Variants in ABCG4 observed in about 807,000 individuals in gnomAD.
ABCG4 encodes the protein ATP binding cassette subfamily G member 4.
ABCG4 carries 35 observed loss-of-function variants against 64.6 expected under a neutral mutation model. The ratio of observed to expected loss-of-function variants is 0.54; its 90% CI spans 0.41 to 0.72. The LOEUF (loss-of-function observed/expected upper bound fraction) is 0.72, where lower values mean the gene tolerates loss of function less well. Ranked by LOEUF, ABCG4 falls within the 30% of genes least tolerant of loss-of-function variation. ABCG4 has a pLI of 0.00. For synonymous variants in ABCG4, 326 were observed against 348.2 expected, an observed-to-expected ratio of 0.94 and a Z score of 0.71; for missense variants, 610 against 846.3, an observed-to-expected ratio of 0.72 and a Z score of 3.46.
At position 119,154,574 on chromosome 11, in the gene ABCG4, T is replaced by C. The variant is rs545137934; in HGVS notation, c.539T>C (p.Leu180Pro). The C allele has an allele frequency of 6.4e-5, 103 of 1,613,112 alleles. 1 individual carries two copies. In the East Asian group the frequency reaches 2.1e-3, roughly 32 times the overall value. ...LSEKQEVKKE[L>P]VTEILTALGL... ...GAGAAGCAGGAGGTGAAGAAGGAGC[T>C]GGTGAGTGGGGAAGGGAGGCAGTGG... is the stretch of plus-strand genomic sequence containing the variant. The change falls in exon 5 of 15, where the codon CTG becomes CCG. Residue 180 changes from leucine (L) to proline (P), a missense_variant and splice_region_variant. Transcript: ENST00000619701. The surrounding 1 kb of genome is among the most constrained non-coding windows in gnomAD (Gnocchi z 7.0).
At position 119,161,999 on chromosome 11, in the gene ABCG4, CT is replaced by C. The variant is rs1333405608; in HGVS notation, c.*894del. The C allele has an allele frequency of 6.5e-6, 1 of 153,160 alleles. No individual in the cohort carries two copies. The highest frequency in any genetic ancestry group is 1.5e-5 in the Non-Finnish European group (1 of 68,400). 9.5% of individuals were successfully genotyped at this position (153,160 alleles called of 1,614,324 possible). On this transcript the variant is annotated 3_prime_UTR_variant, in exon 15 of 15. Transcript: ENST00000619701. ...TACATGAGAACAGGCCATCTCAGCC[CT>C]ACACACTTGCCATCCCCTACAGCAC...
Position 119,161,051 on chromosome 11 carries a change from C to A in ABCG4, c.1886C>A (p.Ala629Asp). 1 of 1,614,044 alleles carries A rather than the reference C, an allele frequency of 6.2e-7. No homozygotes were observed. Among genetic ancestry groups the A allele is most frequent in the East Asian group, 2.2e-5 (1 of 44,880 alleles). ...CTGGTCTTGGGCATCTTCTTCCTAG[C>A]CCTGCGGCTGCTGGCCTACCTTGTG... is the stretch of plus-strand genomic sequence containing the variant. ...DFLVLGIFFL[A>D]LRLLAYLVLR... Residue 629 changes from alanine to aspartate, a missense_variant, in exon 15 of 15, where the codon GCC (alanine) becomes GAC (aspartate). Transcript: ENST00000619701.
At position 119,160,329 on chromosome 11, in the gene ABCG4, G is replaced by A. The variant is rs1565817375; in HGVS notation, c.1540G>A (p.Ala514Thr). The change falls in exon 13 of 15, where the codon GCC becomes ACC. Residue 514 changes from alanine (A) to threonine (T), a missense_variant. Physicochemically the swap from Ala to Thr is moderately conservative, Grantham distance 58. Coordinates refer to ENST00000619701, the MANE Select transcript of ABCG4 (RefSeq NM_022169.5). The surrounding 1 kb of genome is among the most constrained non-coding windows in gnomAD (Gnocchi z 4.6). ...CTTCTCAGCCCTGGCCACCGCCACCGCCTTGGTGGCCCAATCTTTGGGGCT... is the reference window on the plus strand; with the variant it reads ...CTTCTCAGCCCTGGCCACCGCCACCACCTTGGTGGCCCAATCTTTGGGGCT... Reference protein sequence around the residue: ...LLFSALATATALVAQSLGLLI... With the variant: ...LLFSALATATTLVAQSLGLLI... 6 of 1,613,588 alleles carry A rather than the reference G, an allele frequency of 3.7e-6. No homozygotes were observed. Among genetic ancestry groups the A allele is most frequent in the African/African-American group, 1.3e-5 (1 of 75,036 alleles).
chr11:119,159,123 G>A (rs1948310952), intron 12 of ABCG4, among the ~76,000 whole-genome samples, 194 bp downstream of exon 12: 1 of 152,232 alleles, frequency 6.6e-6, no homozygotes, highest in African/African-American at 2.4e-5. Context: ...GAACTAGACT[G>A]ATGTAGTCTT....
Position 119,154,210 on chromosome 11 carries a change from A to G in ABCG4, c.357-50A>G. ...AGAAGTATCCCTTGGGGAACACAGA[A>G]GGTATTCTGAAAGGGCATTGACCCC... On this transcript the variant is annotated intron_variant, in intron 3 of 14. Coordinates refer to ENST00000619701, the MANE Select transcript of ABCG4 (RefSeq NM_022169.5). The surrounding 1 kb of genome is among the most constrained non-coding windows in gnomAD (Gnocchi z 7.0). 1 of 1,613,178 alleles carries G rather than the reference A, an allele frequency of 6.2e-7. No homozygotes were observed. The highest frequency in any genetic ancestry group is 8.5e-7 in the Non-Finnish European group (1 of 1,179,140).
rs185143659 is a variant in ABCG4, at chr11:119,149,320, G to A, written c.-56G>A. On this transcript the variant is annotated 5_prime_UTR_variant, in exon 1 of 15. Transcript: ENST00000619701. This position sits in a 1 kb window ranked among gnomAD's most constrained non-coding sequence, Gnocchi z 8.3. Reference sequence around the variant, plus strand: ...GGCTCTCCGTCCCCGGTCCGTGGCAGCGCTGAGCATCCCGGCCCCGCACCG... The same window carrying A: ...GGCTCTCCGTCCCCGGTCCGTGGCAACGCTGAGCATCCCGGCCCCGCACCG... The A allele has an allele frequency of 2.1e-3, 325 of 152,074 alleles. 1 individual carries two copies. The highest frequency in any genetic ancestry group is 3.6e-3 in the Non-Finnish European group (246 of 67,954). The allele number at this position is 152,074 out of a possible 1,614,324, so 9.4% of individuals were successfully genotyped here.
rs1267230867 is a variant in ABCG4, at chr11:119,158,912, G to A, written c.1420G>A (p.Ala474Thr). ...LKAYYLAKTM[A>T]DVPFQVVCPV... ...AGCGTATTACCTGGCCAAGACCATG[G>A]CTGACGTGCCCTTTCAGGTGGGCCT... Residue 474 changes from alanine to threonine, a missense_variant, in exon 12 of 15, where the codon GCT becomes ACT. Transcript: ENST00000619701. This position sits in a 1 kb window ranked among gnomAD's most constrained non-coding sequence, Gnocchi z 4.5. 3.7e-6 allele frequency: 6 copies of A among 1,614,074 alleles called. No individual in the cohort carries two copies. Among genetic ancestry groups the A allele is most frequent in the Non-Finnish European group, 4.2e-6 (5 of 1,180,038 alleles).
rs753258657 is a variant in ABCG4 at position 119,160,550 on chromosome 11, G to A, written c.1609G>A (p.Val537Met). ...CCTTCCCCTCTAGGTGGCCACTTTT[G>A]TGGGCCCAGTTACCGCCATCCCTGT... ...ASNSLQVATF[V>M]GPVTAIPVLL... The change falls in exon 14 of 15, where the codon GTG becomes ATG. Residue 537 changes from valine to methionine, a missense_variant. Val to Met is a conservative substitution (Grantham distance 21, BLOSUM62 1). Transcript: ENST00000619701. The surrounding 1 kb of genome is among the most constrained non-coding windows in gnomAD (Gnocchi z 4.6). 16 of 1,610,968 alleles carry A rather than the reference G, an allele frequency of 9.9e-6. No homozygotes were observed. The highest frequency in any genetic ancestry group is 1.4e-5 in the Non-Finnish European group (16 of 1,179,914).
intron 2 of ABCG4, among the ~76,000 whole-genome samples, chr11:119,152,435 G>A (rs1170467459): frequency 6.6e-6 from 1 of 152,222 alleles, no homozygotes; most frequent in Non-Finnish European, 1.5e-5. Flanking sequence ...GTCGTGGAGG[G>A]AGGGTTAAAT....
rs773264847 is a variant in ABCG4, at chr11:119,158,384, G to T, written c.1167+52G>T. 2.3e-5 allele frequency: 36 copies of T among 1,591,266 alleles called. No individual in the cohort carries two copies. The highest frequency in any genetic ancestry group is 3.0e-5 in the Non-Finnish European group (35 of 1,160,088). On this transcript the variant is annotated intron_variant, in intron 10 of 14. Coordinates refer to ENST00000619701, the MANE Select transcript of ABCG4 (RefSeq NM_022169.5). This position sits in a 1 kb window ranked among gnomAD's most constrained non-coding sequence, Gnocchi z 4.5. ...GGCTGGCACAGGCCTGACCTTTTGGGCTGTAGGATCCCAGCAGCTGAAATG... is the reference window on the plus strand; with the variant it reads ...GGCTGGCACAGGCCTGACCTTTTGGTCTGTAGGATCCCAGCAGCTGAAATG...
chr11:119,150,743 C>T lies in ABCG4; in HGVS notation c.238+540C>T, dbSNP rs1391497326. On this transcript the variant is annotated intron_variant, in intron 2 of 14. Transcript: ENST00000619701. The surrounding 1 kb of genome is among the most constrained non-coding windows in gnomAD (Gnocchi z 4.3). Reference sequence around the variant, plus strand: ...GTTGAGTAACTTGACCAATGTCACACAGCTAGTAAGTGGTAGAGCTGAGAC... The same window carrying T: ...GTTGAGTAACTTGACCAATGTCACATAGCTAGTAAGTGGTAGAGCTGAGAC... Among the ~76,000 whole-genome samples the T allele has an allele frequency of 6.6e-6, 1 of 152,206 alleles. No homozygotes were observed. Among genetic ancestry groups the T allele is most frequent in the African/African-American group, 2.4e-5 (1 of 41,436 alleles).
chr11:119,160,399 C>T lies in ABCG4; in HGVS notation c.1596+14C>T, dbSNP rs1325222769. The T allele has an allele frequency of 6.2e-7, 1 of 1,603,856 alleles. No homozygotes were observed. Among genetic ancestry groups the T allele is most frequent in the Non-Finnish European group, 8.5e-7 (1 of 1,172,034 alleles). Reference sequence around the variant, plus strand: ...AACTCCCTACAGGTGGGAGGGCTGGCAGTTGGGAATTCCCAAGGCGGGATG... The same window carrying T: ...AACTCCCTACAGGTGGGAGGGCTGGTAGTTGGGAATTCCCAAGGCGGGATG... On this transcript the variant is annotated intron_variant, in intron 13 of 14. Coordinates refer to ENST00000619701, the MANE Select transcript of ABCG4 (RefSeq NM_022169.5). This position sits in a 1 kb window ranked among gnomAD's most constrained non-coding sequence, Gnocchi z 4.6.
chr11:119,149,757 A>C lies in ABCG4; in HGVS notation c.-12-197A>C. ...GGCTTCAAGGGGACGGGCTGGGGTC[A>C]GGCTGGAGCTGGGCTGCCCGGGACT... On this transcript the variant is annotated intron_variant, in intron 1 of 14. Coordinates refer to ENST00000619701, the MANE Select transcript of ABCG4 (RefSeq NM_022169.5). This position sits in a 1 kb window ranked among gnomAD's most constrained non-coding sequence, Gnocchi z 8.3. 1 of 811,654 alleles carries C rather than the reference A, an allele frequency of 1.2e-6. No homozygotes were observed. Among genetic ancestry groups the C allele is most frequent in the East Asian group, 2.7e-5 (1 of 36,764 alleles). 50.3% of individuals were successfully genotyped at this position (811,654 alleles called of 1,614,324 possible).
intron 2 of ABCG4, among the ~76,000 whole-genome samples, chr11:119,151,700 C>T (rs1052941469): frequency 2.0e-5 from 3 of 152,196 alleles, no homozygotes; most frequent in Non-Finnish European, 4.4e-5. Flanking sequence ...TACTATCCTT[C>T]CCTTATAGAT....
In ABCG4 at chr11:119,149,180, C is replaced by T. The variant is rs1222516962; in HGVS notation, c.-196C>T. ...ACCATCCTTGCCGTCTCCTCCGAGCCGAGGGCCGGCCCTCCTGCCTCGCCT... is the reference window on the plus strand; with the variant it reads ...ACCATCCTTGCCGTCTCCTCCGAGCTGAGGGCCGGCCCTCCTGCCTCGCCT... On this transcript the variant is annotated 5_prime_UTR_variant, in exon 1 of 15. Transcript: ENST00000619701. The surrounding 1 kb of genome is among the most constrained non-coding windows in gnomAD (Gnocchi z 8.3). 6.6e-6 allele frequency: 1 copy of T among 151,904 alleles called. No homozygotes were observed. The highest frequency in any genetic ancestry group is 1.5e-5 in the Non-Finnish European group (1 of 67,922). 9.4% of individuals were successfully genotyped at this position (151,904 alleles called of 1,614,324 possible).
Position 119,161,026 on chromosome 11 carries a change from C to T in ABCG4, c.1861C>T (p.Leu621=). 6.2e-7 allele frequency: 1 copy of T among 1,614,074 alleles called. No homozygotes were observed. The highest frequency in any genetic ancestry group is 1.1e-5 in the South Asian group (1 of 91,090). The change falls in exon 15 of 15, where the codon CTG becomes TTG. Residue 621 remains leucine, a synonymous_variant. Coordinates refer to ENST00000619701, the MANE Select transcript of ABCG4 (RefSeq NM_022169.5). Reference sequence around the variant, plus strand: ...GGATGCCAAGCTCTACATGGACTTCCTGGTCTTGGGCATCTTCTTCCTAGC... The same window carrying T: ...GGATGCCAAGCTCTACATGGACTTCTTGGTCTTGGGCATCTTCTTCCTAGC... ...VEDAKLYMDF[L]VLGIFFLALR... is the part of the protein sequence containing the mutation.
intron 2 of ABCG4, 192 bp from the exon 3 acceptor site, chr11:119,153,834 G>A: frequency 1.6e-6 from 1 of 607,258 alleles, no homozygotes. Context: ...TATTAGTGGT[G>A]GTCGTTTCTA....
chr11:119,160,672 C>G lies in ABCG4; in HGVS notation c.1715+16C>G. Reference sequence around the variant, plus strand: ...CCTATGTCAGGTCAGTACCCCTGCCCTCCTCGTTGGCCTCTGCTCCTCCCT... The same window carrying G: ...CCTATGTCAGGTCAGTACCCCTGCCGTCCTCGTTGGCCTCTGCTCCTCCCT... On this transcript the variant is annotated intron_variant, in intron 14 of 14. Transcript: ENST00000619701. The surrounding 1 kb of genome is among the most constrained non-coding windows in gnomAD (Gnocchi z 4.6). 1 of 1,607,682 alleles carries G rather than the reference C, an allele frequency of 6.2e-7. No individual in the cohort carries two copies. The highest frequency in any genetic ancestry group is 8.5e-7 in the Non-Finnish European group (1 of 1,174,340).
At position 119,160,374 on chromosome 11, in the gene ABCG4, A is replaced by C; in HGVS notation, c.1585A>C (p.Asn529His). Residue 529 changes from asparagine to histidine, a missense_variant, in exon 13 of 15, where the codon AAC (asparagine) becomes CAC (histidine). Coordinates refer to ENST00000619701, the MANE Select transcript of ABCG4 (RefSeq NM_022169.5). This position sits in a 1 kb window ranked among gnomAD's most constrained non-coding sequence, Gnocchi z 4.6. ...GGGGCTGCTGATCGGAGCTGCTTCCAACTCCCTACAGGTGGGAGGGCTGGC... is the reference window on the plus strand; with the variant it reads ...GGGGCTGCTGATCGGAGCTGCTTCCCACTCCCTACAGGTGGGAGGGCTGGC... ...SLGLLIGAAS[N>H]SLQVATFVGP... The C allele has an allele frequency of 6.2e-7, 1 of 1,610,682 alleles. No homozygotes were observed. Among genetic ancestry groups the C allele is most frequent in the Non-Finnish European group, 8.5e-7 (1 of 1,177,382 alleles).
Sources: allele counts gnomAD v4.1 joint callset (sites outside exome capture counted in the v4.1 genomes callset), GRCh38; gene constraint gnomAD v4.1.1; non-coding constraint Gnocchi (gnomAD v3.1); transcripts MANE v1.5; gene names NCBI Gene and HGNC (gene_info 2026-07-23, HGNC 2026-07-21).